The following SIK3 variants were observed in gnomAD, a reference collection of about 807,000 sequenced individuals.
SIK3 encodes the protein serine/threonine-protein kinase SIK3.
Under a neutral mutation model 144.2 loss-of-function variants are expected in SIK3, and 28 were observed. That is an observed-to-expected ratio of 0.19 (90% CI 0.14 to 0.27). SIK3 has a LOEUF of 0.27. Ranked by LOEUF, SIK3 falls within the 10% of genes least tolerant of loss-of-function variation. The probability of loss-of-function intolerance (pLI) is 1.00; values close to 1 mark genes in which losing one functional copy is unlikely to be tolerated. For synonymous variants in SIK3, 686 were observed against 676.3 expected, an observed-to-expected ratio of 1.01 and a Z score of -0.22; for missense variants, 1,319 against 1,776.0, an observed-to-expected ratio of 0.74 and a Z score of 4.62.
chr11:116,964,552 A>C (rs1591438733), intron 1 of SIK3, among the ~76,000 whole-genome samples: 1 of 152,124 alleles, frequency 6.6e-6, no homozygotes, highest in Non-Finnish European at 1.5e-5. Flanking sequence ...AGCTTTCAAT[A>C]AACTCCACAG....
chr11:116,994,032 A>C (rs1292988817), intron 1 of SIK3, among the ~76,000 whole-genome samples: 1 of 152,230 alleles, frequency 6.6e-6, no homozygotes, highest in East Asian at 1.9e-4. Flanking sequence ...GTATATTTAA[A>C]CAAGTATAAA....
At chr11:116,872,696 TTA>T (rs999315492) in intron 13 of SIK3, among the ~76,000 whole-genome samples, 1 of 152,262 alleles carries the variant, frequency 6.6e-6, no homozygotes, top group African/African-American at 2.4e-5. Context: ...GCCTTGTATT[TTA>T]TATGTGTTTA....
intron 1 of SIK3, among the ~76,000 whole-genome samples, chr11:116,962,673 A>C (rs1274826742): frequency 1.3e-5 from 2 of 152,190 alleles, no homozygotes; most frequent in East Asian, 3.8e-4. Context: ...TTTATGATCT[A>C]GATCTGTACA....
intron 22 of SIK3, among the ~76,000 whole-genome samples, chr11:116,848,323 G>A (rs1016653949): frequency 1.3e-5 from 2 of 152,008 alleles, no homozygotes; most frequent in African/African-American, 4.8e-5. Context: ...CTCCAACCTG[G>A]GTGACAGAGC....
At chr11:117,016,115 C>A (rs1227403591) in intron 1 of SIK3, 1 of 151,806 alleles carries the variant, frequency 6.6e-6, no homozygotes, top group Non-Finnish European at 1.5e-5. Context: ...CACTTGAGGC[C>A]AGGAGTTCAA....
chr11:117,067,234 A>T (rs957284066), intron 1 of SIK3, among the ~76,000 whole-genome samples: 2 of 152,242 alleles, frequency 1.3e-5, no homozygotes, highest in Non-Finnish European at 2.9e-5. Context: ...CATGAAGTTC[A>T]TAACAGCCTT....
chr11:117,080,282 G>C (rs570428757), intron 1 of SIK3, among the ~76,000 whole-genome samples: 2 of 152,158 alleles, frequency 1.3e-5, no homozygotes, highest in Non-Finnish European at 2.9e-5. Flanking sequence ...ACACTCTCAA[G>C]CTGAGTGAAT....
At chr11:116,969,433 G>A (rs1054266851) in intron 1 of SIK3, among the ~76,000 whole-genome samples, 3 of 151,958 alleles carry the variant, frequency 2.0e-5, no homozygotes, top group African/African-American at 7.3e-5. Flanking sequence ...AGAGCTAGAA[G>A]GAAGTAAAAT....
At chr11:116,860,917 G>A (rs1250762524) in intron 19 of SIK3, among the ~76,000 whole-genome samples, 1 of 152,170 alleles carries the variant, frequency 6.6e-6, no homozygotes, top group Non-Finnish European at 1.5e-5. Context: ...TGCCACCATG[G>A]AAGATGAGCC....
At chr11:117,008,723 T>C (rs1176384016) in intron 1 of SIK3, among the ~76,000 whole-genome samples, 1 of 152,192 alleles carries the variant, frequency 6.6e-6, no homozygotes, top group Non-Finnish European at 1.5e-5. Context: ...TTGAAAAATG[T>C]TTGGTTAAAT....
chr11:117,015,885 A>T lies in SIK3; in HGVS notation c.274-58821T>A, dbSNP rs911107865. 3.3e-5 allele frequency: 5 copies of T among 152,152 alleles called. 1 individual carries two copies. The highest frequency in any genetic ancestry group is 1.2e-4 in the African/African-American group (5 of 41,404). 9.4% of individuals were successfully genotyped at this position (152,152 alleles called of 1,614,324 possible). A position where few individuals can be genotyped will look rare whatever the true frequency, so the allele number is the denominator to read the frequency against. ...TGCCCAGCCTACAACCACTTTAGAA[A>T]AATGTTTGACAGGCTGGTCCTATGG... On this transcript the variant is annotated intron_variant, in intron 1 of 24. Transcript: ENST00000445177.
At chr11:116,973,716 T>G (rs1209206344) in intron 1 of SIK3, among the ~76,000 whole-genome samples, 2 of 152,182 alleles carry the variant, frequency 1.3e-5, no homozygotes, top group Admixed American at 6.5e-5. Flanking sequence ...GCCCTTGGTA[T>G]GATGTGATGA....
rs1181740962 is a variant in SIK3 at position 116,858,139 on chromosome 11, T to C, written c.3326A>G (p.His1109Arg). The change falls in exon 21 of 25, where the codon CAT becomes CGT. Residue 1109 changes from histidine (H) to arginine (R), a missense_variant. Around this residue, in one of 8 missense-constraint regions of SIK3, gnomAD observed 646 missense variants for 763.7 expected, o/e 0.85. Coordinates refer to ENST00000445177, the MANE Select transcript of SIK3 (RefSeq NM_001366686.3). The surrounding 1 kb of genome is among the most constrained non-coding windows in gnomAD (Gnocchi z 5.4). ...TTCTTGTGCCCTGATTTGTAGCAGA[T>C]GCTGGGGGCTGGTGTGATGGTGATA... Reference protein sequence around the residue: ...DSYHHHTSPQHLLQIRAQECV... With the variant: ...DSYHHHTSPQRLLQIRAQECV... 6.2e-7 allele frequency: 1 copy of C among 1,614,188 alleles called. No individual in the cohort carries two copies.
intron 1 of SIK3, among the ~76,000 whole-genome samples, chr11:116,984,497 A>T (rs1950259960): frequency 6.6e-6 from 1 of 152,164 alleles, no homozygotes; most frequent in South Asian, 2.1e-4. Context: ...GTCATAATAG[A>T]ACTTAGCAGA....
chr11:116,905,070 G>A (rs530989955), intron 4 of SIK3: 2 of 165,036 alleles, frequency 1.2e-5, no homozygotes. Context: ...ACCCCAAAAA[G>A]AAACCCTGTG....
chr11:116,944,143 T>C (rs903892145), intron 3 of SIK3, among the ~76,000 whole-genome samples: 1 of 151,738 alleles, frequency 6.6e-6, no homozygotes, highest in African/African-American at 2.4e-5. Context: ...AAAATAAGAG[T>C]TGCGTTTAAT....
chr11:117,093,661 C>T (rs1431921180), intron 1 of SIK3, among the ~76,000 whole-genome samples: 4 of 135,966 alleles, frequency 2.9e-5, no homozygotes, highest in Non-Finnish European at 6.1e-5. Context: ...AGATAAGTCA[C>T]ATTGCTATTT....
At chr11:116,891,784 G>A (rs919502475) in intron 6 of SIK3, among the ~76,000 whole-genome samples, 1 of 152,116 alleles carries the variant, frequency 6.6e-6, no homozygotes, top group East Asian at 1.9e-4. Context: ...GATTAGAGGG[G>A]GACAAGACTG....
intron 1 of SIK3, among the ~76,000 whole-genome samples, chr11:117,077,825 T>G (rs1954618578): frequency 6.6e-6 from 1 of 152,224 alleles, no homozygotes. Flanking sequence ...AAAAACCTTT[T>G]ATTCCAGAGT....
Sources: allele counts gnomAD v4.1 joint callset (sites outside exome capture counted in the v4.1 genomes callset), GRCh38; gene constraint gnomAD v4.1.1; regional missense constraint gnomAD v4.1.1; non-coding constraint Gnocchi (gnomAD v3.1); transcripts MANE v1.5; gene names NCBI Gene and HGNC (gene_info 2026-07-23, HGNC 2026-07-21).